The following ULK4 variants were observed in gnomAD, a reference collection of about 807,000 sequenced individuals.
ULK4 encodes the protein unc-51 like kinase 4.
A neutral mutation model predicts 160.6 loss-of-function variants in ULK4; 133 were observed. The ratio of observed to expected loss-of-function variants is 0.83; its 90% CI spans 0.72 to 0.96. ULK4 has a LOEUF of 0.96. Among genes scored for constraint, ULK4 ranks in the 40% least tolerant of loss-of-function variants. The pLI is 0.00. For missense variants in ULK4, 1,580 were observed against 1,499.5 expected, an observed-to-expected ratio of 1.05 and a Z score of -0.89; for synonymous variants, 534 against 539.8, an observed-to-expected ratio of 0.99 and a Z score of 0.15.
Position 41,895,549 on chromosome 3 carries a change from G to A in ULK4, c.1546C>T (p.Gln516Ter). 1 of 1,510,760 alleles carries A rather than the reference G, an allele frequency of 6.6e-7. No homozygotes were observed. Among genetic ancestry groups the A allele is most frequent in the African/African-American group, 1.4e-5 (1 of 70,580 alleles). The allele number at this position is 1,510,760 out of a possible 1,614,324, so 93.6% of individuals were successfully genotyped here. The change falls in exon 16 of 37, where the codon CAG becomes TAG. Residue 516 changes from glutamine (Q) to a stop codon, truncating the protein, a stop_gained. Coordinates refer to ENST00000301831, the MANE Select transcript of ULK4 (RefSeq NM_017886.4). LOFTEE classifies it high-confidence loss of function. Reference sequence around the variant, plus strand: ...CAGTTTGGAGCTATCCGCAAATGCTGGATTAGCAATTGGAACTAGAATAAG... The same window carrying A: ...CAGTTTGGAGCTATCCGCAAATGCTAGATTAGCAATTGGAACTAGAATAAG... The part of the protein sequence containing the change: ...LHSPLFQLLI[Q>*]HLRIAPNWDI...
chr3:41,830,258 G>A (rs1232684581), intron 18 of ULK4, among the ~76,000 whole-genome samples: 4 of 151,870 alleles, frequency 2.6e-5, no homozygotes, highest in Non-Finnish European at 2.9e-5. Flanking sequence ...TAACAAACCT[G>A]CATGTTATGC....
chr3:41,474,150 A>AT (rs1217206440), intron 32 of ULK4, among the ~76,000 whole-genome samples: 4 of 152,240 alleles, frequency 2.6e-5, no homozygotes, highest in African/African-American at 7.2e-5. Flanking sequence ...TGGTACTGGC[A>AT]TAAAAATAGA....
At chr3:41,470,037 A>AAAAAAAAAAAAAAAAAAAAAAAT in intron 32 of ULK4, among the ~76,000 whole-genome samples, 1 of 147,598 alleles carries the variant, frequency 6.8e-6, no homozygotes, top group Non-Finnish European at 1.5e-5. Flanking sequence ...AAAAAAAAAA[A>AAAAAAAAAAAAAAAAAAAAAAAT]AAAAAAAAAC....
At chr3:41,648,123 G>T (rs1268423368) in intron 30 of ULK4, among the ~76,000 whole-genome samples, 1 of 152,182 alleles carries the variant, frequency 6.6e-6, no homozygotes, top group Non-Finnish European at 1.5e-5. Flanking sequence ...ACTAGGAGAG[G>T]GAACTCCCTG....
At chr3:41,295,795 C>A (rs988629994) in intron 35 of ULK4, among the ~76,000 whole-genome samples, 6 of 152,226 alleles carry the variant, frequency 3.9e-5, no homozygotes, top group Non-Finnish European at 8.8e-5. Flanking sequence ...AGCAAGGATG[C>A]AGAGCAACAG....
chr3:41,527,841 C>A (rs2086172660), intron 32 of ULK4, among the ~76,000 whole-genome samples: 1 of 152,152 alleles, frequency 6.6e-6, no homozygotes, highest in Non-Finnish European at 1.5e-5. Flanking sequence ...TTTTAAAGAA[C>A]ACATTTTATA....
chr3:41,807,375 TG>T (rs1427107484), intron 19 of ULK4, among the ~76,000 whole-genome samples: 2 of 152,172 alleles, frequency 1.3e-5, no homozygotes, highest in Admixed American at 1.3e-4. Context: ...TTACATTGCT[TG>T]GTTTGTTACA....
intron 22 of ULK4, among the ~76,000 whole-genome samples, chr3:41,724,760 C>A (rs1450695803): frequency 6.6e-6 from 1 of 152,042 alleles, no homozygotes; most frequent in African/African-American, 2.4e-5. Context: ...TTTTCTATAT[C>A]TTTGCCAAAA....
intron 17 of ULK4, chr3:41,882,200 A>G: frequency 2.8e-6 from 2 of 703,010 alleles, no homozygotes; most frequent in East Asian, 2.7e-5. Flanking sequence ...GTATCTATAC[A>G]TACACAAGGC....
intron 33 of ULK4, 61 bp from the exon 34 acceptor site, chr3:41,455,656 A>T (rs1315008374): frequency 2.0e-6 from 3 of 1,497,090 alleles, no homozygotes; most frequent in South Asian, 1.1e-5. Context: ...TGGCCAAAGG[A>T]AACAGGACCA....
At chr3:41,735,334 T>G (rs1340991528) in intron 22 of ULK4, among the ~76,000 whole-genome samples, 3 of 152,112 alleles carry the variant, frequency 2.0e-5, no homozygotes, top group Non-Finnish European at 2.9e-5. Flanking sequence ...TTATATTGTG[T>G]AAAGTCAGTT....
chr3:41,647,876 G>T (rs9823858), intron 30 of ULK4, among the ~76,000 whole-genome samples: 46,908 of 152,210 alleles, frequency 0.31, 8,722 homozygotes, highest in African/African-American at 0.52. Flanking sequence ...GCTGCTTTGT[G>T]TACCTACGCA....
chr3:41,908,190 AT>A (rs542307642), intron 11 of ULK4, among the ~76,000 whole-genome samples: 1 of 152,164 alleles, frequency 6.6e-6, no homozygotes, highest in South Asian at 2.1e-4. Context: ...TCAAGCATTA[AT>A]TTTTATAAAT....
chr3:41,699,141 A>G (rs1005367809), intron 27 of ULK4, among the ~76,000 whole-genome samples: 4 of 152,154 alleles, frequency 2.6e-5, no homozygotes, highest in Non-Finnish European at 4.4e-5. Context: ...CAGTATATGC[A>G]TATGTTCAGC....
At chr3:41,300,857 A>G in intron 35 of ULK4, among the ~76,000 whole-genome samples, 1 of 98,452 alleles carries the variant, frequency 1.0e-5, no homozygotes, top group South Asian at 3.1e-4. Flanking sequence ...ATATATATAT[A>G]TATATATATA....
At chr3:41,748,998 A>G (rs1044306845) in intron 22 of ULK4, among the ~76,000 whole-genome samples, 21 of 152,252 alleles carry the variant, frequency 1.4e-4, no homozygotes, top group African/African-American at 5.1e-4. Context: ...TTCAAACACT[A>G]ATCTAGATAC....
rs887399164 is a variant in ULK4, at chr3:41,864,098, G to A, written c.1656+19776C>T. On this transcript the variant is annotated intron_variant, in intron 17 of 36. Coordinates refer to ENST00000301831, the MANE Select transcript of ULK4 (RefSeq NM_017886.4). ...AGAGTGCTGCAGCGCTCAGTGGTAC[G>A]ATTTGCAGGAACTCAAGCTCCCACC... Among the ~76,000 whole-genome samples, 14 of 152,216 alleles carry A rather than the reference G, an allele frequency of 9.2e-5. 1 individual carries two copies. The highest frequency in any genetic ancestry group is 4.1e-4 in the South Asian group (2 of 4,822).
chr3:41,528,371 T>C (rs796699566), intron 32 of ULK4, among the ~76,000 whole-genome samples: 1 of 152,220 alleles, frequency 6.6e-6, no homozygotes, highest in South Asian at 2.1e-4. Context: ...AATTCATCAA[T>C]AGAAATGTAT....
At chr3:41,366,548 T>TATACAC (rs1553648975) in intron 35 of ULK4, among the ~76,000 whole-genome samples, 50 of 148,784 alleles carry the variant, frequency 3.4e-4, no homozygotes, top group East Asian at 1.4e-3. Flanking sequence ...AAAATATGGC[T>TATACAC]ACACACACAC....
Sources: allele counts gnomAD v4.1 joint callset (sites outside exome capture counted in the v4.1 genomes callset), GRCh38; gene constraint gnomAD v4.1.1; transcripts MANE v1.5; gene names NCBI Gene and HGNC (gene_info 2026-07-23, HGNC 2026-07-21).